Variants in CCDC85A observed in about 807,000 individuals in gnomAD.
CCDC85A encodes coiled-coil domain-containing protein 85A.
CCDC85A carries 38 observed loss-of-function variants against 50.2 expected under a neutral mutation model. The ratio of observed to expected loss-of-function variants is 0.76; its 90% confidence interval spans 0.58 to 0.99. The LOEUF is 0.99. CCDC85A is among the 50% of genes least tolerant of loss of function. The pLI is 0.00. For synonymous variants in CCDC85A, 366 were observed against 301.4 expected (o/e 1.21, Z -2.22); for missense variants, 820 against 742.0 (o/e 1.11, Z -1.22).
At chr2:56,236,601 C>G (rs1388386668) in intron 2 of CCDC85A, among the ~76,000 whole-genome samples, 1 of 152,150 alleles carries the variant, frequency 6.6e-6, no homozygotes, top group African/African-American at 2.4e-5. Flanking sequence ...TTTTTATTAA[C>G]TCTCCACCCA....
chr2:56,357,635 G>A (rs79861507), intron 3 of CCDC85A, among the ~76,000 whole-genome samples: 1,655 of 150,676 alleles, frequency 0.011, 33 homozygotes, highest in African/African-American at 0.038. Context: ...GTAGGTCATG[G>A]AAGGGATAGT....
chr2:56,272,150 T>C (rs1314749268), intron 2 of CCDC85A, among the ~76,000 whole-genome samples: 1 of 152,160 alleles, frequency 6.6e-6, no homozygotes, highest in Non-Finnish European at 1.5e-5. Context: ...AAGAGTAAAG[T>C]TATGTGTTAA....
At chr2:56,273,855 A>C (rs1010456901) in intron 2 of CCDC85A, among the ~76,000 whole-genome samples, 1 of 152,136 alleles carries the variant, frequency 6.6e-6, no homozygotes, top group Non-Finnish European at 1.5e-5. Flanking sequence ...GTTCATTATG[A>C]AGAAAAATCG....
Position 56,193,138 on chromosome 2 carries a change from G to A in CCDC85A, c.938G>A (p.Ser313Asn), listed in dbSNP as rs758461590. ...CTGCCCAAGCACGTGCTGAGTGGGA[G>A]CCCGGAACACTTCCAGAAGCACCGG... The part of the protein sequence containing the change: ...ETLPKHVLSG[S>N]PEHFQKHRSG... The change falls in exon 2 of 6, where the codon AGC becomes AAC. Residue 313 changes from serine to asparagine, a missense_variant. Ser to Asn is a conservative substitution (Grantham distance 46). Coordinates refer to ENST00000407595, the MANE Select transcript of CCDC85A (RefSeq NM_001080433.2). 1.9e-6 allele frequency: 3 copies of A among 1,612,560 alleles called. No homozygotes were observed. The highest frequency in any genetic ancestry group is 2.2e-5 in the East Asian group (1 of 44,802).
chr2:56,288,609 C>A (rs1051238559), intron 2 of CCDC85A, among the ~76,000 whole-genome samples: 2 of 151,928 alleles, frequency 1.3e-5, no homozygotes, highest in African/African-American at 4.8e-5. Flanking sequence ...TTTCCAGAAC[C>A]GAGTTTAGTG....
At chr2:56,292,194 A>G (rs1671743857) in intron 2 of CCDC85A, among the ~76,000 whole-genome samples, 1 of 151,988 alleles carries the variant, frequency 6.6e-6, no homozygotes, top group African/African-American at 2.4e-5. Flanking sequence ...GCCATTCTCC[A>G]GCCTCAGCCT....
chr2:56,348,664 C>A (rs1674751520), intron 3 of CCDC85A, among the ~76,000 whole-genome samples: 1 of 152,150 alleles, frequency 6.6e-6, no homozygotes, highest in Non-Finnish European at 1.5e-5. Flanking sequence ...AGAAATCAAG[C>A]TCTCACTTCC....
intron 2 of CCDC85A, among the ~76,000 whole-genome samples, chr2:56,327,011 C>T (rs922478350): frequency 1.3e-5 from 2 of 152,092 alleles, no homozygotes; most frequent in African/African-American, 2.4e-5. Flanking sequence ...GCATCTATCA[C>T]ATGGATGTGC....
chr2:56,369,487 G>A (rs1675968894), intron 3 of CCDC85A, among the ~76,000 whole-genome samples: 2 of 152,080 alleles, frequency 1.3e-5, no homozygotes, highest in Non-Finnish European at 2.9e-5. Flanking sequence ...GAGGACTAAA[G>A]GCTATGACTC....
At position 56,263,884 on chromosome 2, in the gene CCDC85A, C is replaced by A. The variant is rs553472826; in HGVS notation, c.1240+70444C>A. Among the ~76,000 whole-genome samples the A allele has an allele frequency of 2.6e-5, 4 of 152,326 alleles. No homozygotes were observed. The East Asian group carries it at 5.8e-4, about 22-fold the overall frequency. On this transcript the variant is annotated intron_variant, in intron 2 of 5. Transcript: ENST00000407595. ...TCCTTGGCCTTCTTCCTTGTTCTAT[C>A]TTCCTTCATTCCCTAGGTCAGGGGT...
chr2:56,342,113 A>AT (rs1174183044), intron 2 of CCDC85A, among the ~76,000 whole-genome samples: 1 of 152,006 alleles, frequency 6.6e-6, no homozygotes, highest in Non-Finnish European at 1.5e-5. Flanking sequence ...AAAGAGTATA[A>AT]TTGTCTTCAA....
intron 1 of CCDC85A, among the ~76,000 whole-genome samples, chr2:56,186,967 C>T (rs1487343580): frequency 1.3e-5 from 2 of 152,134 alleles, no homozygotes; most frequent in Non-Finnish European, 2.9e-5. Context: ...GCAGCTTCTA[C>T]TCTTCTCATG....
intron 5 of CCDC85A, among the ~76,000 whole-genome samples, chr2:56,382,136 A>G (rs538606236): frequency 6.6e-6 from 1 of 152,182 alleles, no homozygotes; most frequent in Non-Finnish European, 1.5e-5. Context: ...ATGATCAAAA[A>G]CACATAGTCA....
At chr2:56,350,831 GTTTC>G (rs1239160422) in intron 3 of CCDC85A, among the ~76,000 whole-genome samples, 2 of 143,870 alleles carry the variant, frequency 1.4e-5, no homozygotes, top group African/African-American at 5.2e-5. Flanking sequence ...TTTTTTTTCA[GTTTC>G]TTTTTTATTT....
chr2:56,251,435 G>T (rs969160065), intron 2 of CCDC85A, among the ~76,000 whole-genome samples: 3 of 152,174 alleles, frequency 2.0e-5, no homozygotes, highest in Non-Finnish European at 1.5e-5. Flanking sequence ...TTGCCAGTTT[G>T]GTTGCTGTTT....
chr2:56,315,543 C>T (rs1218517273), intron 2 of CCDC85A, among the ~76,000 whole-genome samples: 1 of 152,074 alleles, frequency 6.6e-6, no homozygotes, highest in Non-Finnish European at 1.5e-5. Context: ...ATGCATGTAA[C>T]TGAGTAGGTA....
chr2:56,192,452 T>C lies in CCDC85A; in HGVS notation c.277-25T>C. ...TGACACCTCAGATGTGTACTTCCCTTGAATGGTTGTGTCTCTCTTTTCAGG... is the reference window on the plus strand; with the variant it reads ...TGACACCTCAGATGTGTACTTCCCTCGAATGGTTGTGTCTCTCTTTTCAGG... On this transcript the variant is annotated intron_variant, in intron 1 of 5. Coordinates refer to ENST00000407595, the MANE Select transcript of CCDC85A (RefSeq NM_001080433.2). The surrounding 1 kb of genome is among the most constrained non-coding windows in gnomAD (Gnocchi z 4.7). 1 of 1,583,044 alleles carries C rather than the reference T, an allele frequency of 6.3e-7. No homozygotes were observed. The highest frequency in any genetic ancestry group is 8.6e-7 in the Non-Finnish European group (1 of 1,164,828).
chr2:56,196,072 T>C (rs1441841857), intron 2 of CCDC85A, among the ~76,000 whole-genome samples: 3 of 152,202 alleles, frequency 2.0e-5, no homozygotes, highest in Non-Finnish European at 4.4e-5. Flanking sequence ...GATGAAATAT[T>C]GAACTCATTC....
intron 2 of CCDC85A, among the ~76,000 whole-genome samples, chr2:56,245,783 T>G (rs1166416809): frequency 6.6e-6 from 1 of 152,118 alleles, no homozygotes; most frequent in African/African-American, 2.4e-5. Context: ...TTAAGGCCCT[T>G]ATAAAAGAGG....
Sources: allele counts gnomAD v4.1 joint callset (sites outside exome capture counted in the v4.1 genomes callset), GRCh38; gene constraint gnomAD v4.1.1; non-coding constraint Gnocchi (gnomAD v3.1); transcripts MANE v1.5; gene names NCBI Gene and HGNC (gene_info 2026-07-23, HGNC 2026-07-21).